Variants in ZDHHC14 observed in about 807,000 individuals in gnomAD.
The protein encoded by ZDHHC14 is zDHHC palmitoyltransferase 14.
Under a neutral mutation model 47.7 loss-of-function variants are expected in ZDHHC14, and 16 were observed. The ratio of observed to expected loss-of-function variants is 0.34; its 90% confidence interval spans 0.23 to 0.51. The LOEUF (loss-of-function observed/expected upper bound fraction) is 0.51, where lower values mean the gene tolerates loss of function less well. Ranked by LOEUF, ZDHHC14 falls within the 20% of genes least tolerant of loss-of-function variation. ZDHHC14 has a pLI of 0.97. For missense variants in ZDHHC14, 515 were observed against 662.5 expected (o/e 0.78, Z 2.44); for synonymous variants, 293 against 278.9 (o/e 1.05, Z -0.50).
chr6:157,561,501 G>C (rs190280561), intron 2 of ZDHHC14, among the ~76,000 whole-genome samples: 1 of 152,098 alleles, frequency 6.6e-6, no homozygotes, highest in Non-Finnish European at 1.5e-5. Context: ...AGTGTCCGAC[G>C]GGCGCGCATG....
intron 8 of ZDHHC14, among the ~76,000 whole-genome samples, chr6:157,662,373 G>T (rs1195869499): frequency 6.6e-6 from 1 of 152,132 alleles, no homozygotes; most frequent in Non-Finnish European, 1.5e-5. Flanking sequence ...GTACAGACAG[G>T]GTTTCACCAT....
chr6:157,548,577 G>A (rs1782085083), intron 2 of ZDHHC14, among the ~76,000 whole-genome samples: 1 of 152,304 alleles, frequency 6.6e-6, no homozygotes, highest in South Asian at 2.1e-4. Context: ...CTCCCGAGTA[G>A]CTGGGATTAC....
In ZDHHC14 at chr6:157,496,195, G is replaced by A. The variant is rs151304299; in HGVS notation, c.246-46390G>A. Among the ~76,000 whole-genome samples the A allele has an allele frequency of 2.1e-3, 326 of 152,226 alleles. 1 individual carries two copies. The highest frequency in any genetic ancestry group is 6.9e-3 in the African/African-American group (288 of 41,542). ...GTAGCCAGCAACCTCTGTGACTGCC[G>A]GCTGTATCTCCCCAGGGTGGTTCTG... On this transcript the variant is annotated intron_variant, in intron 1 of 8. Coordinates refer to ENST00000359775, the MANE Select transcript of ZDHHC14 (RefSeq NM_024630.3).
chr6:157,553,037 T>C (rs980558176), intron 2 of ZDHHC14, among the ~76,000 whole-genome samples: 31 of 152,270 alleles, frequency 2.0e-4, no homozygotes, highest in African/African-American at 5.8e-4. Context: ...GGAAGAGGCA[T>C]TGGGCTCCGC....
intron 1 of ZDHHC14, among the ~76,000 whole-genome samples, chr6:157,432,159 TTA>T (rs1230358821): frequency 3.3e-5 from 5 of 152,134 alleles, no homozygotes; most frequent in Non-Finnish European, 7.3e-5. Context: ...TCCAGTTTCT[TTA>T]TGTTTGTGGT....
chr6:157,522,281 T>C (rs1380326401), intron 1 of ZDHHC14, among the ~76,000 whole-genome samples: 1 of 152,200 alleles, frequency 6.6e-6, no homozygotes, highest in African/African-American at 2.4e-5. Context: ...CAAACTTAGA[T>C]AAAAATGGCT....
intron 1 of ZDHHC14, among the ~76,000 whole-genome samples, chr6:157,540,466 T>G (rs1038887606): frequency 1.4e-4 from 22 of 152,260 alleles, no homozygotes; most frequent in Middle Eastern, 3.4e-3. Flanking sequence ...AAGCCTAAGA[T>G]CTACTAAGTC....
chr6:157,587,340 A>C (rs1783732928), intron 2 of ZDHHC14, among the ~76,000 whole-genome samples: 1 of 152,342 alleles, frequency 6.6e-6, no homozygotes, highest in Non-Finnish European at 1.5e-5. Flanking sequence ...GGGGAAGCAC[A>C]CAGCCGTGCC....
intron 2 of ZDHHC14, among the ~76,000 whole-genome samples, chr6:157,579,190 GT>G (rs1187065924): frequency 4.5e-4 from 29 of 63,966 alleles, no homozygotes; most frequent in South Asian, 1.9e-3. Flanking sequence ...TTGATTCTGT[GT>G]TTTTTTTTTT....
chr6:157,473,952 G>C (rs1323769832), intron 1 of ZDHHC14, among the ~76,000 whole-genome samples: 1 of 151,004 alleles, frequency 6.6e-6, no homozygotes, highest in South Asian at 2.1e-4. Flanking sequence ...AAGCATTTCG[G>C]ATAAGGGAAA....
chr6:157,527,004 A>G (rs531151657), intron 1 of ZDHHC14, among the ~76,000 whole-genome samples: 1 of 152,292 alleles, frequency 6.6e-6, no homozygotes, highest in Non-Finnish European at 1.5e-5. Flanking sequence ...GTGCTTCTGA[A>G]TAGGTACTTG....
intron 1 of ZDHHC14, among the ~76,000 whole-genome samples, chr6:157,441,528 A>G (rs932892123): frequency 2.6e-5 from 4 of 152,228 alleles, no homozygotes; most frequent in African/African-American, 4.8e-5. Context: ...TGAACAAAAA[A>G]GAAACGGATG....
intron 1 of ZDHHC14, among the ~76,000 whole-genome samples, chr6:157,508,667 T>C (rs1355186904): frequency 1.3e-5 from 2 of 152,174 alleles, no homozygotes. Flanking sequence ...TGTGAGCCAC[T>C]GCACCCAACC....
At chr6:157,568,462 T>TA (rs11433426) in intron 2 of ZDHHC14, among the ~76,000 whole-genome samples, 74,749 of 151,878 alleles carry the variant, frequency 0.49, 19,163 homozygotes, top group African/African-American at 0.65. Flanking sequence ...CTTAATATAC[T>TA]TGAACCTTTC....
chr6:157,384,186 G>A (rs566105269), intron 1 of ZDHHC14, among the ~76,000 whole-genome samples: 30 of 152,188 alleles, frequency 2.0e-4, no homozygotes, highest in Non-Finnish European at 4.0e-4. Flanking sequence ...TTCTGTTGCA[G>A]AGCTTCAGCC....
rs368735742 is a variant in ZDHHC14 at position 157,436,984 on chromosome 6, G to A, written c.245+54718G>A. Among the ~76,000 whole-genome samples the A allele has an allele frequency of 1.1e-4, 16 of 152,210 alleles. No individual in the cohort carries two copies. In the East Asian group the frequency reaches 3.1e-3, roughly 29 times the overall value. Reference sequence around the variant, plus strand: ...GGTTGTGGAGGAGGCCTTCATCCACGGGGCAAGGGGCATCCTGAGACTTAG... The same window carrying A: ...GGTTGTGGAGGAGGCCTTCATCCACAGGGCAAGGGGCATCCTGAGACTTAG... On this transcript the variant is annotated intron_variant, in intron 1 of 8. Transcript: ENST00000359775.
At chr6:157,617,199 G>GA (rs981118290) in intron 3 of ZDHHC14, among the ~76,000 whole-genome samples, 3 of 152,202 alleles carry the variant, frequency 2.0e-5, no homozygotes, top group South Asian at 2.1e-4. Context: ...GATATTATGT[G>GA]AAAAAACCCT....
chr6:157,432,731 G>A (rs1012633808), intron 1 of ZDHHC14, among the ~76,000 whole-genome samples: 1 of 152,146 alleles, frequency 6.6e-6, no homozygotes, highest in Admixed American at 6.5e-5. Flanking sequence ...TTTATGAATG[G>A]CAAAATGGCT....
intron 1 of ZDHHC14, among the ~76,000 whole-genome samples, chr6:157,490,982 G>T (rs139627939): frequency 0.059 from 8,939 of 152,134 alleles, 893 homozygotes; most frequent in African/African-American, 0.2. Context: ...CAGAGGAGAG[G>T]TATTAGGGAG....
Sources: allele counts gnomAD v4.1 joint callset (sites outside exome capture counted in the v4.1 genomes callset), GRCh38; gene constraint gnomAD v4.1.1; transcripts MANE v1.5; gene names NCBI Gene and HGNC (gene_info 2026-07-23, HGNC 2026-07-21).